PYGO2: variants seen among roughly 807,000 people sequenced by gnomAD.
PYGO2 encodes pygopus family PHD finger 2, also known as pygopus homolog 2.
Under a neutral mutation model 26.7 loss-of-function variants are expected in PYGO2, and 9 were observed. That is an observed-to-expected ratio of 0.34 (90% CI 0.20 to 0.59). PYGO2 has a LOEUF of 0.59. PYGO2 is among the 20% of genes least tolerant of loss of function. PYGO2 has a pLI of 0.84. For synonymous variants in PYGO2, 236 were observed against 219.0 expected, an observed-to-expected ratio of 1.08 and a Z score of -0.68; for missense variants, 538 against 561.5, an observed-to-expected ratio of 0.96 and a Z score of 0.42.
chr1:154,958,872 G>A lies in PYGO2; in HGVS notation c.1128C>T (p.Val376=), dbSNP rs1186483194. ...TCTTGAGGCAGAGATCGCAGGCCCAGACGGCAGAAGCTTCAGTGGTCAGCA... is the reference window on the plus strand; with the variant it reads ...TCTTGAGGCAGAGATCGCAGGCCCAAACGGCAGAAGCTTCAGTGGTCAGCA... ...YGLLTTEASA[V]WACDLCLKTK... The change falls in exon 3 of 3, where the codon GTC becomes GTT. Residue 376 remains valine, a synonymous_variant. Transcript: ENST00000368457. The A allele has an allele frequency of 1.2e-6, 2 of 1,614,014 alleles. No individual in the cohort carries two copies. Among genetic ancestry groups the A allele is most frequent in the Middle Eastern group, 1.6e-4 (1 of 6,062 alleles).
chr1:154,957,274 G>A lies in PYGO2; in HGVS notation c.*1505C>T, dbSNP rs1020993650. 2.6e-5 allele frequency: 4 copies of A among 152,580 alleles called. No individual in the cohort carries two copies. The highest frequency in any genetic ancestry group is 9.7e-5 in the African/African-American group (4 of 41,434). The allele number at this position is 152,580 out of a possible 1,614,324, so 9.5% of individuals were successfully genotyped here. On this transcript the variant is annotated 3_prime_UTR_variant, in exon 3 of 3. Coordinates refer to ENST00000368457, the MANE Select transcript of PYGO2 (RefSeq NM_138300.4). ...GTTGAGCAGCGGGGTGGGGGTGGGG[G>A]GTTGCCATCTACGCCGTTTTAGTGT...
intron 2 of PYGO2, among the ~76,000 whole-genome samples, chr1:154,960,345 C>T (rs542084813): frequency 7.1e-6 from 1 of 141,210 alleles, no homozygotes; most frequent in African/African-American, 2.7e-5. Flanking sequence ...GAAGCCGAGG[C>T]AGGAGGATCC....
Position 154,958,576 on chromosome 1 carries a change from A to T in PYGO2, c.*203T>A. The T allele has an allele frequency of 1.7e-6, 1 of 582,078 alleles. No individual in the cohort carries two copies. Among genetic ancestry groups the T allele is most frequent in the Non-Finnish European group, 3.1e-6 (1 of 327,166 alleles). 36.1% of individuals were successfully genotyped at this position (582,078 alleles called of 1,614,324 possible). On this transcript the variant is annotated 3_prime_UTR_variant, in exon 3 of 3. Coordinates refer to ENST00000368457, the MANE Select transcript of PYGO2 (RefSeq NM_138300.4). ...GTTTCCTGGATCTCTGTAGATCTCAACATGTAAGTTTCCCAAAACAGTGAG... is the reference window on the plus strand; with the variant it reads ...GTTTCCTGGATCTCTGTAGATCTCATCATGTAAGTTTCCCAAAACAGTGAG...
At chr1:154,960,439 G>GAAAAAAAAAAAAAAAAA (rs1296806409) in intron 2 of PYGO2, among the ~76,000 whole-genome samples, 1 of 133,858 alleles carries the variant, frequency 7.5e-6, no homozygotes, top group African/African-American at 2.8e-5. Context: ...AAAGAAAAAA[G>GAAAAAAAAAAAAAAAAA]AAAAAAAAAA....
chr1:154,958,985 C>T lies in PYGO2; in HGVS notation c.1015G>A (p.Asp339Asn). Residue 339 changes from aspartate (D) to asparagine (N), a missense_variant, in exon 3 of 3, where the codon GAT becomes AAT. Coordinates refer to ENST00000368457, the MANE Select transcript of PYGO2 (RefSeq NM_138300.4). The part of the protein sequence containing the change: ...PCGACRSEVN[D>N]DQDAILCEAS... ...TCACACAGAATGGCATCCTGGTCATCGTTCACCTCACTCCGACAGGCACCA... is the reference window on the plus strand; with the variant it reads ...TCACACAGAATGGCATCCTGGTCATTGTTCACCTCACTCCGACAGGCACCA... 2 of 1,614,018 alleles carry T rather than the reference C, an allele frequency of 1.2e-6. No homozygotes were observed. Among genetic ancestry groups the T allele is most frequent in the South Asian group, 1.1e-5 (1 of 91,084 alleles).
At chr1:154,961,430 A>T (rs1361527881) in intron 1 of PYGO2, 44 bp downstream of exon 1, 1 of 1,300,836 alleles carries the variant, frequency 7.7e-7, no homozygotes, top group Admixed American at 2.6e-5. Flanking sequence ...TGAGGTTCCC[A>T]AGTCCTGGGC....
chr1:154,959,757 G>A lies in PYGO2; in HGVS notation c.243C>T (p.Asp81=), dbSNP rs1367185919. Residue 81 remains aspartate, a synonymous_variant, in exon 3 of 3, where the codon GAC becomes GAT. Coordinates refer to ENST00000368457, the MANE Select transcript of PYGO2 (RefSeq NM_138300.4). The surrounding 1 kb of genome is among the most constrained non-coding windows in gnomAD (Gnocchi z 4.7). ...CAACCCCCACTTTGGGGGCTCCGAA[G>A]TCATCTTCAAAAGGGTTGGATGCAA... ...HLVASNPFED[D]FGAPKVGVAA... is the part of the protein sequence containing the mutation. The A allele has an allele frequency of 7.2e-7, 1 of 1,396,752 alleles. No homozygotes were observed. The highest frequency in any genetic ancestry group is 9.4e-7 in the Non-Finnish European group (1 of 1,066,142). 86.5% of individuals were successfully genotyped at this position (1,396,752 alleles called of 1,614,324 possible).
intron 1 of PYGO2, 99 bp from the exon 2 acceptor site, chr1:154,961,125 T>C: frequency 9.5e-7 from 1 of 1,050,866 alleles, no homozygotes; most frequent in Admixed American, 2.3e-5. Context: ...TTAACGTCAA[T>C]ACATACTTGC....
At chr1:154,960,260 G>A (rs1305819532) in intron 2 of PYGO2, among the ~76,000 whole-genome samples, 2 of 132,376 alleles carry the variant, frequency 1.5e-5, no homozygotes, top group East Asian at 2.1e-4. Flanking sequence ...GCAAGACTCC[G>A]TCTCAAAAAA....
At position 154,959,959 on chromosome 1, in the gene PYGO2, G is replaced by C. The variant is rs576899599; in HGVS notation, c.154-113C>G. ...GGAGGCTGATACTGTGGGCAGCTCA[G>C]GTCTAAAATCAATATGGACCACAGG... On this transcript the variant is annotated intron_variant, in intron 2 of 2. Transcript: ENST00000368457. The surrounding 1 kb of genome is among the most constrained non-coding windows in gnomAD (Gnocchi z 4.7). 1 of 586,190 alleles carries C rather than the reference G, an allele frequency of 1.7e-6. No homozygotes were observed. Among genetic ancestry groups the C allele is most frequent in the African/African-American group, 1.9e-5 (1 of 52,044 alleles). 36.3% of individuals were successfully genotyped at this position (586,190 alleles called of 1,614,324 possible). A position where few individuals can be genotyped will look rare whatever the true frequency, so the allele number is the denominator to read the frequency against.
Position 154,958,809 on chromosome 1 carries a change from C to T in PYGO2, c.1191G>A (p.Met397Ile), listed in dbSNP as rs1166025573. 1 of 1,613,866 alleles carries T rather than the reference C, an allele frequency of 6.2e-7. No homozygotes were observed. Reference sequence around the variant, plus strand: ...CATCGTTAGCAGCCACCAGCTGCCCCATGCCCTCACGGATGTAGACAGACT... The same window carrying T: ...CATCGTTAGCAGCCACCAGCTGCCCTATGCCCTCACGGATGTAGACAGACT... Reference protein sequence around the residue: ...EIQSVYIREGMGQLVAANDG With the variant: ...EIQSVYIREGIGQLVAANDG Residue 397 changes from methionine to isoleucine, a missense_variant, in exon 3 of 3, where the codon ATG becomes ATA. By Grantham distance (10) the Met-to-Ile change is conservative. Coordinates refer to ENST00000368457, the MANE Select transcript of PYGO2 (RefSeq NM_138300.4).
chr1:154,961,334 G>T lies in PYGO2; in HGVS notation c.103+140C>A, dbSNP rs142515773. The T allele has an allele frequency of 4.8e-6, 3 of 631,556 alleles. No homozygotes were observed. The East Asian group carries it at 9.5e-5, about 20-fold the overall frequency. 39.1% of individuals were successfully genotyped at this position (631,556 alleles called of 1,614,324 possible). ...GTGACACCTGCCCCCAACCCCTGGA[G>T]GATTACACCCACCCATCCTTTTCAC... On this transcript the variant is annotated intron_variant, in intron 1 of 2. Coordinates refer to ENST00000368457, the MANE Select transcript of PYGO2 (RefSeq NM_138300.4).
chr1:154,958,739 G>T lies in PYGO2; in HGVS notation c.*40C>A. The T allele has an allele frequency of 6.5e-7, 1 of 1,529,846 alleles. No homozygotes were observed. Among genetic ancestry groups the T allele is most frequent in the South Asian group, 1.1e-5 (1 of 87,686 alleles). The allele number at this position is 1,529,846 out of a possible 1,614,324, so 94.8% of individuals were successfully genotyped here. On this transcript the variant is annotated 3_prime_UTR_variant, in exon 3 of 3. Transcript: ENST00000368457. ...TCAAAAAAATCACCCTGGAAGAGCA[G>T]GGAGAGACATGTGCACTTCCCTGGG...
Position 154,959,854 on chromosome 1 carries a change from G to C in PYGO2, c.154-8C>G, listed in dbSNP as rs1655285426. ...ATGTGAGTATGCAGGGCCCTAGTGA[G>C]AAACAGTTGAGGGAAAGAGGGTCAT... On this transcript the variant is annotated splice_polypyrimidine_tract_variant and splice_region_variant and intron_variant, in intron 2 of 2. Transcript: ENST00000368457. The surrounding 1 kb of genome is among the most constrained non-coding windows in gnomAD (Gnocchi z 4.7). 1 of 1,322,950 alleles carries C rather than the reference G, an allele frequency of 7.6e-7. No homozygotes were observed. Among genetic ancestry groups the C allele is most frequent in the African/African-American group, 1.5e-5 (1 of 66,322 alleles). 82.0% of individuals were successfully genotyped at this position (1,322,950 alleles called of 1,614,324 possible).
rs1655370540 is a variant in PYGO2 at position 154,961,668 on chromosome 1, G to A, written c.-92C>T. The A allele has an allele frequency of 8.7e-6, 4 of 458,986 alleles. No individual in the cohort carries two copies. In the South Asian group the frequency reaches 1.1e-4, roughly 13 times the overall value. The allele number at this position is 458,986 out of a possible 1,614,324, so 28.4% of individuals were successfully genotyped here. A position where few individuals can be genotyped will look rare whatever the true frequency, so the allele number is the denominator to read the frequency against. Reference sequence around the variant, plus strand: ...CAGAAGGGGTGTCAGGGGCAGCCCAGGCCCCCGAGCTGCAGCAACCACAAA... The same window carrying A: ...CAGAAGGGGTGTCAGGGGCAGCCCAAGCCCCCGAGCTGCAGCAACCACAAA... On this transcript the variant is annotated 5_prime_UTR_variant, in exon 1 of 3. Coordinates refer to ENST00000368457, the MANE Select transcript of PYGO2 (RefSeq NM_138300.4).
At position 154,959,540 on chromosome 1, in the gene PYGO2, A is replaced by T. The variant is rs1655274502; in HGVS notation, c.460T>A (p.Tyr154Asn). The change falls in exon 3 of 3, where the codon TAC (tyrosine) becomes AAC (asparagine). Residue 154 changes from tyrosine to asparagine, a missense_variant. Transcript: ENST00000368457. This position sits in a 1 kb window ranked among gnomAD's most constrained non-coding sequence, Gnocchi z 4.7. The stretch of plus-strand genomic sequence containing the variant: ...AAGTTCATGTTGCCTGGGGGTGGGT[A>T]GCCAGGACCCTGGGGGGGCATGTTG... ...AFNMPPQGPG[Y>N]PPPGNMNFPS... 6.8e-7 allele frequency: 1 copy of T among 1,464,824 alleles called. No homozygotes were observed. Among genetic ancestry groups the T allele is most frequent in the African/African-American group, 1.4e-5 (1 of 69,572 alleles). 90.7% of individuals were successfully genotyped at this position (1,464,824 alleles called of 1,614,324 possible). A position where few individuals can be genotyped will look rare whatever the true frequency, so the allele number is the denominator to read the frequency against.
At position 154,959,072 on chromosome 1, in the gene PYGO2, G is replaced by T. The variant is rs780635485; in HGVS notation, c.928C>A (p.Pro310Thr). The T allele has an allele frequency of 3.7e-6, 6 of 1,612,846 alleles. No individual in the cohort carries two copies. The East Asian group carries it at 8.9e-5, about 24-fold the overall frequency. ...GGTPDANSLAPPGKAGGGSGP... is the reference protein window; with the variant it reads ...GGTPDANSLATPGKAGGGSGP... ...GAGCCCCCACCTGCCTTGCCAGGGG[G>T]TGCCAAGCTGTTGGCATCTGGAGTG... Residue 310 changes from proline to threonine, a missense_variant, in exon 3 of 3, where the codon CCC becomes ACC. Around this residue, in one of 4 missense-constraint regions of PYGO2, gnomAD observed 381 missense variants for 336.6 expected, o/e 1.13. Coordinates refer to ENST00000368457, the MANE Select transcript of PYGO2 (RefSeq NM_138300.4). This position sits in a 1 kb window ranked among gnomAD's most constrained non-coding sequence, Gnocchi z 4.7.
At position 154,958,416 on chromosome 1, in the gene PYGO2, G is replaced by A. The variant is rs1002925473; in HGVS notation, c.*363C>T. 8.7e-6 allele frequency: 2 copies of A among 230,116 alleles called. No homozygotes were observed. Among genetic ancestry groups the A allele is most frequent in the African/African-American group, 2.3e-5 (1 of 43,888 alleles). The allele number at this position is 230,116 out of a possible 1,614,324, so 14.3% of individuals were successfully genotyped here. On this transcript the variant is annotated 3_prime_UTR_variant, in exon 3 of 3. Coordinates refer to ENST00000368457, the MANE Select transcript of PYGO2 (RefSeq NM_138300.4). Reference sequence around the variant, plus strand: ...GGGTTCAGTAGGGGTGTTAGGCACAGGTGTTAGGGGCATCCATCATCAGCA... The same window carrying A: ...GGGTTCAGTAGGGGTGTTAGGCACAAGTGTTAGGGGCATCCATCATCAGCA...
chr1:154,961,143 T>G (rs568031745), intron 1 of PYGO2, 117 bp from the exon 2 acceptor site: 3 of 911,598 alleles, frequency 3.3e-6, no homozygotes, highest in South Asian at 3.2e-5. Flanking sequence ...TGCTTATTTA[T>G]TCAACAAATG....
Sources: gnomAD v4.1 joint callset for allele counts (sites outside exome capture counted in the v4.1 genomes callset) on GRCh38, gnomAD v4.1.1 for gene constraint, gnomAD v4.1.1 regional missense constraint, Gnocchi (gnomAD v3.1) non-coding constraint, MANE v1.5 for transcripts, NCBI Gene and HGNC (gene_info 2026-07-23, HGNC 2026-07-21) for gene names.